Variants in PCDH15 observed in about 807,000 individuals in gnomAD.
The protein encoded by PCDH15 is protocadherin-15.
A neutral mutation model predicts 178.5 loss-of-function variants in PCDH15; 129 were observed. The observed-to-expected ratio is 0.72, with a 90% CI of 0.63 to 0.84. The LOEUF (loss-of-function observed/expected upper bound fraction) is 0.84. PCDH15 is among the 40% of genes least tolerant of loss of function. PCDH15 has a pLI of 0.00. For synonymous variants in PCDH15, 800 were observed against 732.0 expected, an observed-to-expected ratio of 1.09 and a Z score of -1.50; for missense variants, 2,230 against 2,099.9, an observed-to-expected ratio of 1.06 and a Z score of -1.21.
chr10:55,267,323 G>A (rs1019197656), intron 1 of PCDH15, among the ~76,000 whole-genome samples: 1 of 152,006 alleles, frequency 6.6e-6, no homozygotes, highest in Non-Finnish European at 1.5e-5. Flanking sequence ...CCTTAGATGT[G>A]TCATTGAAGC....
intron 1 of PCDH15, among the ~76,000 whole-genome samples, chr10:54,698,392 C>T (rs1432262989): frequency 1.3e-5 from 2 of 152,102 alleles, no homozygotes; most frequent in Non-Finnish European, 2.9e-5. Flanking sequence ...TTATTATTTG[C>T]ATCAGATCTG....
chr10:55,214,529 T>A (rs955869141), intron 1 of PCDH15, among the ~76,000 whole-genome samples: 1 of 151,782 alleles, frequency 6.6e-6, no homozygotes, highest in Non-Finnish European at 1.5e-5. Context: ...TTTTTTGTCT[T>A]AAATTCCTTG....
At chr10:54,481,407 A>ATGTGTG (rs137969568) in intron 3 of PCDH15, among the ~76,000 whole-genome samples, 2 of 151,240 alleles carry the variant, frequency 1.3e-5, no homozygotes, top group South Asian at 4.2e-4. Flanking sequence ...TGATAAATAT[A>ATGTGTG]TGTGTGTGTG....
At chr10:54,722,634 T>A (rs774028972) in intron 1 of PCDH15, among the ~76,000 whole-genome samples, 24 of 150,332 alleles carry the variant, frequency 1.6e-4, no homozygotes, top group Non-Finnish European at 3.0e-4. Flanking sequence ...TAATTGTGTA[T>A]CAGAAAACCC....
intron 2 of PCDH15, among the ~76,000 whole-genome samples, chr10:55,019,548 C>A (rs1840272454): frequency 6.6e-6 from 1 of 152,056 alleles, no homozygotes; most frequent in South Asian, 2.1e-4. Flanking sequence ...TGTGCAAGTG[C>A]CATCTGGCCC....
rs183734578 is a variant in PCDH15, at chr10:54,423,328, C to T, written c.158-44386G>A. ...GCACAGTTTAATACTTACTATTATT[C>T]TTTTATTCTTTACCATCATTCCTTT... On this transcript the variant is annotated intron_variant, in intron 3 of 37. Transcript: ENST00000644397. Among the ~76,000 whole-genome samples, 918 of 150,780 alleles carry T rather than the reference C, an allele frequency of 6.1e-3. 16 individuals carry two copies. Among genetic ancestry groups the T allele is most frequent in the African/African-American group, 0.022 (872 of 40,198 alleles).
intron 17 of PCDH15, among the ~76,000 whole-genome samples, chr10:54,068,392 T>G (rs746472836): frequency 1.3e-5 from 2 of 152,172 alleles, no homozygotes; most frequent in Non-Finnish European, 2.9e-5. Context: ...AATAAAATTT[T>G]TATTTAAAGA....
intron 1 of PCDH15, among the ~76,000 whole-genome samples, chr10:54,678,765 T>G (rs2094838676): frequency 6.6e-6 from 1 of 152,162 alleles, no homozygotes; most frequent in African/African-American, 2.4e-5. Context: ...AAATGTAACT[T>G]TTTAAAGTAA....
At chr10:54,548,538 ATATATG>A (rs199848840) in intron 2 of PCDH15, among the ~76,000 whole-genome samples, 8,656 of 146,986 alleles carry the variant, frequency 0.059, 550 homozygotes, top group East Asian at 0.31. Context: ...ACCTTTATAT[ATATATG>A]TATATGTGCC....
intron 2 of PCDH15, among the ~76,000 whole-genome samples, chr10:55,111,004 A>G (rs927390759): frequency 3.3e-5 from 5 of 152,140 alleles, no homozygotes; most frequent in African/African-American, 1.2e-4. Context: ...GTAAATATAA[A>G]TGAGTTTAAA....
intron 2 of PCDH15, among the ~76,000 whole-genome samples, chr10:55,361,033 A>G (rs2131978597): frequency 6.6e-6 from 1 of 152,130 alleles, no homozygotes; most frequent in African/African-American, 2.4e-5. Context: ...TGAATGGACC[A>G]CAATTGCAAC....
chr10:55,586,719 T>G (rs1460601103), intron 2 of PCDH15, among the ~76,000 whole-genome samples: 1 of 152,184 alleles, frequency 6.6e-6, no homozygotes, highest in Non-Finnish European at 1.5e-5. Flanking sequence ...TGATTAAAAA[T>G]ATGGTTGGCT....
At chr10:55,484,534 G>A (rs1437179237) in intron 2 of PCDH15, among the ~76,000 whole-genome samples, 4 of 151,496 alleles carry the variant, frequency 2.6e-5, no homozygotes, top group African/African-American at 9.7e-5. Flanking sequence ...TCATAAAAAT[G>A]GAAAAATAAT....
intron 3 of PCDH15, among the ~76,000 whole-genome samples, chr10:54,473,247 A>G (rs1332177950): frequency 6.6e-6 from 1 of 152,182 alleles, no homozygotes; most frequent in African/African-American, 2.4e-5. Flanking sequence ...GTTCTAAGAA[A>G]GTAAAACATA....
intron 2 of PCDH15, among the ~76,000 whole-genome samples, chr10:54,549,784 T>C (rs2086336234): frequency 6.6e-6 from 1 of 152,048 alleles, no homozygotes; most frequent in African/African-American, 2.4e-5. Flanking sequence ...GTTTAAATCT[T>C]CTACAGTGAT....
At chr10:53,826,042 C>A (rs2076656627) in intron 32 of PCDH15, among the ~76,000 whole-genome samples, 1 of 151,108 alleles carries the variant, frequency 6.6e-6, no homozygotes, top group Admixed American at 6.6e-5. Context: ...ACACATAATC[C>A]TTTTTTTTAG....
At chr10:54,823,092 G>T (rs960257702) in intron 3 of PCDH15, among the ~76,000 whole-genome samples, 5 of 151,908 alleles carry the variant, frequency 3.3e-5, no homozygotes, top group Admixed American at 3.3e-4. Context: ...ATGTTGGCCA[G>T]GTTGGTCTCA....
intron 25 of PCDH15, 98 bp downstream of exon 25, chr10:53,938,717 G>T: frequency 7.8e-7 from 1 of 1,274,464 alleles, no homozygotes. Context: ...TTTCTATGTT[G>T]TCCACTGAGA....
At position 55,601,851 on chromosome 10, in the gene PCDH15, T is replaced by C. The variant is rs2132145576; in HGVS notation, c.-156+25774A>G. 1.3e-5 allele frequency among the ~76,000 whole-genome samples: 2 copies of C among 152,088 alleles called. 1 individual carries two copies. The highest frequency in any genetic ancestry group is 4.1e-4 in the South Asian group (2 of 4,822). On this transcript the variant is annotated intron_variant, in intron 2 of 5. Transcript: ENST00000613346. ...GAAAGGCAGATGACAAACTGAATAA[T>C]TAAGTTATAAAATACACACACACGG...
Sources: gnomAD v4.1 joint callset for allele counts (sites outside exome capture counted in the v4.1 genomes callset) on GRCh38, gnomAD v4.1.1 for gene constraint, MANE v1.5 for transcripts, NCBI Gene and HGNC (gene_info 2026-07-23, HGNC 2026-07-21) for gene names.